The following TRMT11 variants were observed in gnomAD, a reference collection of about 807,000 sequenced individuals.
TRMT11 encodes the protein tRNA (guanine(10)-N(2))-methyltransferase TRMT11.
Under a neutral mutation model 62.8 loss-of-function variants are expected in TRMT11, and 53 were observed. That is an observed-to-expected ratio of 0.84 (90% CI 0.68 to 1.06). TRMT11 has a LOEUF of 1.06. Among genes scored for constraint, TRMT11 ranks in the 50% least tolerant of loss-of-function variants. The pLI, the probability that TRMT11 is intolerant of heterozygous loss-of-function variation, is 0.00. For missense variants in TRMT11, 556 were observed against 553.4 expected, an observed-to-expected ratio of 1.00 and a Z score of -0.05; for synonymous variants, 188 against 190.3, an observed-to-expected ratio of 0.99 and a Z score of 0.10.
At chr6:126,012,726 T>C (rs1266661288) in intron 9 of TRMT11, 45 bp from the exon 10 acceptor site, 3 of 1,487,974 alleles carry the variant, frequency 2.0e-6, no homozygotes, top group Non-Finnish European at 2.8e-6. Flanking sequence ...TGATCCATGA[T>C]TTGGTGACTT....
chr6:126,068,755 A>C (rs964713215), intron 17 of TRMT11, among the ~76,000 whole-genome samples: 1 of 152,090 alleles, frequency 6.6e-6, no homozygotes, highest in African/African-American at 2.4e-5. Flanking sequence ...TTTTCCTGTA[A>C]ATTTTAAAAC....
At chr6:126,269,087 C>A in the TRMT11 span, among the ~76,000 whole-genome samples, 1 of 150,436 alleles carries the variant, frequency 6.6e-6, no homozygotes, top group African/African-American at 2.4e-5. Context: ...AATGGTGAAA[C>A]CCCGTCTCTA....
At chr6:126,135,204 C>G (rs1343186179) in intron 21 of TRMT11, among the ~76,000 whole-genome samples, 2 of 151,256 alleles carry the variant, frequency 1.3e-5, no homozygotes, top group South Asian at 2.1e-4. Flanking sequence ...CAAAATTAAA[C>G]TGGTTTTGAA....
intron 12 of TRMT11, among the ~76,000 whole-genome samples, chr6:126,022,861 G>A (rs956129402): frequency 6.6e-6 from 1 of 152,134 alleles, no homozygotes; most frequent in Non-Finnish European, 1.5e-5. Context: ...AAATGAAAAT[G>A]TATGGCAGTC....
intron 21 of TRMT11, among the ~76,000 whole-genome samples, chr6:126,120,981 G>A (rs1777643365): frequency 6.6e-6 from 1 of 152,060 alleles, no homozygotes; most frequent in Admixed American, 6.6e-5. Flanking sequence ...CCCTTCACCT[G>A]GAATGCATCT....
chr6:126,072,058 T>G (rs1047859017), intron 17 of TRMT11, among the ~76,000 whole-genome samples: 1 of 152,212 alleles, frequency 6.6e-6, no homozygotes, highest in Non-Finnish European at 1.5e-5. Context: ...TTCATGGCTC[T>G]GTCTCCTTGA....
intron 7 of TRMT11, among the ~76,000 whole-genome samples, chr6:126,004,984 C>A (rs1793134079): frequency 6.6e-6 from 1 of 151,912 alleles, no homozygotes. Context: ...AGTAAAAATT[C>A]TTTTTTTAAA....
intron 1 of TRMT11, among the ~76,000 whole-genome samples, chr6:126,186,983 A>G (rs1290844963): frequency 6.6e-6 from 1 of 152,068 alleles, no homozygotes; most frequent in African/African-American, 2.4e-5. Context: ...GCTTAACCCA[A>G]TAAAGTCATC....
intron 21 of TRMT11, among the ~76,000 whole-genome samples, chr6:126,163,894 AC>A (rs1376721640): frequency 6.6e-6 from 1 of 152,060 alleles, no homozygotes; most frequent in African/African-American, 2.4e-5. Flanking sequence ...CTAGCAGTCT[AC>A]CTATTTTGTT....
intron 17 of TRMT11, among the ~76,000 whole-genome samples, chr6:126,107,943 T>TA (rs1380329416): frequency 6.6e-6 from 1 of 152,178 alleles, no homozygotes; most frequent in Admixed American, 6.5e-5. Context: ...CAAGGAATCA[T>TA]AAAGAATCAT....
upstream of TRMT11, among the ~76,000 whole-genome samples, chr6:126,175,086 T>C (rs745344716): frequency 1.2e-4 from 19 of 152,226 alleles, no homozygotes; most frequent in Non-Finnish European, 2.1e-4. Flanking sequence ...GCCAGTATGA[T>C]ACACATATTG....
intron 21 of TRMT11, among the ~76,000 whole-genome samples, chr6:126,127,708 T>A (rs1583882928): frequency 7.3e-6 from 1 of 137,382 alleles, no homozygotes; most frequent in Non-Finnish European, 1.5e-5. Context: ...CCTGTGTCCA[T>A]GTGTTCTCAT....
chr6:126,067,736 T>C (rs1183370743), intron 17 of TRMT11, among the ~76,000 whole-genome samples: 1 of 152,324 alleles, frequency 6.6e-6, no homozygotes, highest in South Asian at 2.1e-4. Flanking sequence ...AAAGTATCTC[T>C]ATTTTCTACT....
At chr6:126,105,955 G>A (rs1239497338) in intron 17 of TRMT11, among the ~76,000 whole-genome samples, 1 of 152,022 alleles carries the variant, frequency 6.6e-6, no homozygotes, top group East Asian at 1.9e-4. Context: ...ATCCAAAGTC[G>A]GGTTACTCCC....
At chr6:126,055,957 C>T (rs547538284) in intron 17 of TRMT11, among the ~76,000 whole-genome samples, 1 of 152,284 alleles carries the variant, frequency 6.6e-6, no homozygotes, top group South Asian at 2.1e-4. Context: ...CAGCTCCCTG[C>T]CTTGAGACAA....
chr6:126,114,851 A>G (rs1411368084), intron 19 of TRMT11, among the ~76,000 whole-genome samples: 1 of 152,074 alleles, frequency 6.6e-6, no homozygotes, highest in Admixed American at 6.6e-5. Context: ...CTTGATAAAG[A>G]GCAAATCTGT....
At chr6:126,054,518 A>G (rs1776313500) in intron 17 of TRMT11, among the ~76,000 whole-genome samples, 1 of 152,166 alleles carries the variant, frequency 6.6e-6, no homozygotes, top group East Asian at 1.9e-4. Flanking sequence ...ACCGAGGGAG[A>G]TGATTTTTAT....
chr6:126,251,332 A>G, the TRMT11 span, among the ~76,000 whole-genome samples: 1 of 151,886 alleles, frequency 6.6e-6, no homozygotes. Context: ...CCCGGCCCCA[A>G]TTTTTCAATT....
At chr6:126,145,113 T>C (rs1448330257) in intron 21 of TRMT11, among the ~76,000 whole-genome samples, 1 of 152,176 alleles carries the variant, frequency 6.6e-6, no homozygotes, top group Non-Finnish European at 1.5e-5. Flanking sequence ...CAAAGAAATA[T>C]CATTTACTAA....
Sources: allele counts gnomAD v4.1 joint callset (sites outside exome capture counted in the v4.1 genomes callset), GRCh38; gene constraint gnomAD v4.1.1; transcripts MANE v1.5; gene names NCBI Gene and HGNC (gene_info 2026-07-23, HGNC 2026-07-21).